Variants in BRPF3 observed in about 807,000 individuals in gnomAD.
The protein encoded by BRPF3 is bromodomain and PHD finger-containing protein 3.
BRPF3 carries 18 observed loss-of-function variants against 102.0 expected under a neutral mutation model. The ratio of observed to expected loss-of-function variants is 0.18; its 90% confidence interval spans 0.12 to 0.26. The LOEUF (loss-of-function observed/expected upper bound fraction) is 0.26. Ranked by LOEUF, BRPF3 falls within the 10% of genes least tolerant of loss-of-function variation. BRPF3 has a pLI of 1.00. For synonymous variants in BRPF3, 570 were observed against 614.2 expected (o/e 0.93, Z 1.06); for missense variants, 1,147 against 1,567.8 (o/e 0.73, Z 4.53).
chr6:36,227,898 G>A (rs1457487928), intron 11 of BRPF3, among the ~76,000 whole-genome samples: 2 of 152,208 alleles, frequency 1.3e-5, no homozygotes, highest in Non-Finnish European at 2.9e-5. Flanking sequence ...TAAATAATGA[G>A]AGCAGTTTAT....
rs1561817619 is a variant in BRPF3 at position 36,201,239 on chromosome 6, T to C, written c.917T>C (p.Phe306Ser). Residue 306 changes from phenylalanine (F) to serine (S), a missense_variant, in exon 2 of 13, where the codon TTC (phenylalanine) becomes TCC (serine). By Grantham distance (155) the Phe-to-Ser change is radical (BLOSUM62 -2). This residue lies in a region of BRPF3 where 44 missense variants were observed against 101.4 expected (regional missense o/e 0.43). Transcript: ENST00000357641. The surrounding 1 kb of genome is among the most constrained non-coding windows in gnomAD (Gnocchi z 5.1). ...GAAGTCTGCTTTGCTAACACCGTGT[T>C]CTTGGAACCTATTGAGGGCATTGAC... Reference protein sequence around the residue: ...IPEVCFANTVFLEPIEGIDNI... With the variant: ...IPEVCFANTVSLEPIEGIDNI... The C allele has an allele frequency of 6.2e-7, 1 of 1,614,054 alleles. No homozygotes were observed. Among genetic ancestry groups the C allele is most frequent in the Non-Finnish European group, 8.5e-7 (1 of 1,180,018 alleles).
Position 36,200,575 on chromosome 6 carries a change from C to T in BRPF3, c.253C>T (p.Gln85Ter). The part of the protein sequence containing the change: ...NSNKENSEQP[Q>*]FPGKSKKPSS... ...TAACAAGGAAAACAGTGAACAGCCTCAGTTCCCTGGCAAGTCCAAGAAACC... is the reference window on the plus strand; with the variant it reads ...TAACAAGGAAAACAGTGAACAGCCTTAGTTCCCTGGCAAGTCCAAGAAACC... The change falls in exon 2 of 13, where the codon CAG becomes TAG. Residue 85 changes from glutamine to a stop codon, truncating the protein, a stop_gained. Transcript: ENST00000357641. LOFTEE classifies it high-confidence loss of function. This position sits in a 1 kb window ranked among gnomAD's most constrained non-coding sequence, Gnocchi z 5.3. The T allele has an allele frequency of 6.2e-7, 1 of 1,614,226 alleles. No homozygotes were observed. Among genetic ancestry groups the T allele is most frequent in the Non-Finnish European group, 8.5e-7 (1 of 1,180,054 alleles).
At chr6:36,221,104 T>C (rs1768520867) in intron 9 of BRPF3, among the ~76,000 whole-genome samples, 1 of 152,196 alleles carries the variant, frequency 6.6e-6, no homozygotes, top group African/African-American at 2.4e-5. Context: ...GCCCAGAAGC[T>C]ACGGTGTACA....
chr6:36,228,854 T>G, intron 11 of BRPF3, 48 bp from the exon 12 acceptor site: 1 of 1,607,232 alleles, frequency 6.2e-7, no homozygotes, highest in Non-Finnish European at 8.5e-7. Context: ...GGGGCACTGC[T>G]CACCCTGGCC....
intron 9 of BRPF3, among the ~76,000 whole-genome samples, chr6:36,219,997 C>A (rs749485960): frequency 2.0e-5 from 3 of 152,186 alleles, no homozygotes; most frequent in Non-Finnish European, 4.4e-5. Flanking sequence ...AGGTACTGTT[C>A]TAAGCACTAA....
intron 7 of BRPF3, 46 bp downstream of exon 7, chr6:36,211,606 G>A (rs766179141): frequency 6.1e-5 from 93 of 1,533,370 alleles, no homozygotes; most frequent in Middle Eastern, 1.7e-4. Flanking sequence ...GGTAAAGAGG[G>A]ACAAAGGCTA....
chr6:36,221,389 T>A (rs1214886699), intron 9 of BRPF3, among the ~76,000 whole-genome samples: 2 of 149,276 alleles, frequency 1.3e-5, no homozygotes, highest in Non-Finnish European at 3.0e-5. Context: ...CTGGTTCAAG[T>A]GATTCTCCTG....
intron 11 of BRPF3, 109 bp from the exon 12 acceptor site, chr6:36,228,793 C>A: frequency 7.7e-7 from 1 of 1,304,102 alleles, no homozygotes; most frequent in Non-Finnish European, 1.1e-6. Context: ...ATATCCCACT[C>A]AGGCCTGATA....
intron 11 of BRPF3, among the ~76,000 whole-genome samples, chr6:36,227,400 A>G (rs1309376965): frequency 1.3e-5 from 2 of 152,242 alleles, no homozygotes; most frequent in African/African-American, 4.8e-5. Context: ...TTGTAATAAT[A>G]GTGTATGTAC....
At position 36,214,331 on chromosome 6, in the gene BRPF3, C is replaced by G. The variant is rs1376146038; in HGVS notation, c.2934C>G (p.Ser978Arg). 6.8e-6 allele frequency: 11 copies of G among 1,612,826 alleles called. No individual in the cohort carries two copies. Among genetic ancestry groups the G allele is most frequent in the Non-Finnish European group, 9.3e-6 (11 of 1,179,754 alleles). The change falls in exon 8 of 13, where the codon AGC becomes AGG. Residue 978 changes from serine to arginine, a missense_variant. Coordinates refer to ENST00000357641, the MANE Select transcript of BRPF3 (RefSeq NM_015695.3). ...GCCACTCCCGGAAGCGGCCAAGGAG[C>G]AGGAGCTGTAGTGAGAGCGAAGGGG... ...EERHSRKRPR[S>R]RSCSESEGER... is the part of the protein sequence containing the mutation.
At position 36,204,687 on chromosome 6, in the gene BRPF3, T is replaced by G; in HGVS notation, c.1478T>G (p.Phe493Cys). 1 of 1,614,184 alleles carries G rather than the reference T, an allele frequency of 6.2e-7. No homozygotes were observed. The highest frequency in any genetic ancestry group is 8.5e-7 in the Non-Finnish European group (1 of 1,180,028). ...RLNKICSGLSFQRKNQFMQRL... is the reference protein window; with the variant it reads ...RLNKICSGLSCQRKNQFMQRL... ...AACAAGATCTGTAGTGGTCTCTCCT[T>G]TCAGAGGAAAAACCAGTTTATGCAG... The change falls in exon 3 of 13, where the codon TTT becomes TGT. Residue 493 changes from phenylalanine to cysteine, a missense_variant. This residue lies in a region of BRPF3 where 157 missense variants were observed against 163.6 expected (regional missense o/e 0.96). Transcript: ENST00000357641.
chr6:36,202,657 C>G (rs1767757173), intron 2 of BRPF3, among the ~76,000 whole-genome samples: 1 of 152,112 alleles, frequency 6.6e-6, no homozygotes, highest in African/African-American at 2.4e-5. Context: ...TCCCACACCC[C>G]CAGATGAAGA....
At chr6:36,218,248 T>G (rs1768401689) in intron 9 of BRPF3, among the ~76,000 whole-genome samples, 1 of 152,148 alleles carries the variant, frequency 6.6e-6, no homozygotes, top group South Asian at 2.1e-4. Flanking sequence ...TTTGTGGGGC[T>G]GAATTTGGAC....
intron 12 of BRPF3, among the ~76,000 whole-genome samples, chr6:36,229,466 AG>A (rs1247738979): frequency 6.6e-6 from 1 of 152,152 alleles, no homozygotes. Context: ...CACTGCCCTG[AG>A]GGAGGGGTGT....
chr6:36,225,118 C>G, intron 10 of BRPF3, 149 bp from the exon 11 acceptor site: 1 of 625,586 alleles, frequency 1.6e-6, no homozygotes, highest in Non-Finnish European at 2.8e-6. Flanking sequence ...AGTCTAACTT[C>G]TAAGGAAAGG....
At chr6:36,223,763 A>G (rs952979505) in intron 10 of BRPF3, among the ~76,000 whole-genome samples, 1 of 152,236 alleles carries the variant, frequency 6.6e-6, no homozygotes, top group Admixed American at 6.5e-5. Flanking sequence ...TATGTAATGT[A>G]GTGAACCCAT....
chr6:36,228,225 G>T (rs1444620333), intron 11 of BRPF3, among the ~76,000 whole-genome samples: 1 of 152,220 alleles, frequency 6.6e-6, no homozygotes, highest in African/African-American at 2.4e-5. Context: ...AGGAGCTTTG[G>T]AAACTTTGAA....
At chr6:36,228,543 A>C (rs1460400726) in intron 11 of BRPF3, among the ~76,000 whole-genome samples, 3 of 152,206 alleles carry the variant, frequency 2.0e-5, no homozygotes, top group African/African-American at 7.2e-5. Flanking sequence ...TGTATCAGGA[A>C]GGATTGTAGT....
chr6:36,207,182 G>A (rs1404493484), intron 3 of BRPF3, 131 bp from the exon 4 acceptor site: 1 of 1,183,970 alleles, frequency 8.4e-7, no homozygotes, highest in Non-Finnish European at 1.2e-6. Context: ...GAGAGGGGTG[G>A]AAGGGCTCTT....
Sources: gnomAD v4.1 joint callset for allele counts (sites outside exome capture counted in the v4.1 genomes callset) on GRCh38, gnomAD v4.1.1 for gene constraint, gnomAD v4.1.1 regional missense constraint, Gnocchi (gnomAD v3.1) non-coding constraint, MANE v1.5 for transcripts, NCBI Gene and HGNC (gene_info 2026-07-23, HGNC 2026-07-21) for gene names.